SDK1: variants seen among roughly 807,000 people sequenced by gnomAD.
SDK1 encodes protein sidekick-1.
A neutral mutation model predicts 245.5 loss-of-function variants in SDK1; 157 were observed. That is an observed-to-expected ratio of 0.64 (90% CI 0.56 to 0.73). The LOEUF (loss-of-function observed/expected upper bound fraction) is 0.73. Among genes scored for constraint, SDK1 ranks in the 30% least tolerant of loss-of-function variants. The probability of loss-of-function intolerance (pLI) is 0.00; values close to 1 mark genes in which losing one functional copy is unlikely to be tolerated. For synonymous variants in SDK1, 1,647 were observed against 1,278.5 expected (o/e 1.29, Z -6.15); for missense variants, 3,583 against 3,002.3 (o/e 1.19, Z -4.52).
At chr7:4,157,518 G>A (rs79853812) in intron 30 of SDK1, among the ~76,000 whole-genome samples, 3,035 of 136,844 alleles carry the variant, frequency 0.022, 105 homozygotes, top group African/African-American at 0.073. Flanking sequence ...AGCAAGGAGC[G>A]GGGAGGGAGG....
intron 4 of SDK1, among the ~76,000 whole-genome samples, chr7:3,819,858 G>A (rs372075152): frequency 3.5e-4 from 53 of 152,184 alleles, no homozygotes; most frequent in African/African-American, 1.2e-3. Context: ...AAAGGTAGCA[G>A]GAAGAAAAAG....
rs527942532 is a variant in SDK1, at chr7:4,035,911, T to C, written c.2603-13437T>C. On this transcript the variant is annotated intron_variant, in intron 17 of 44. Coordinates refer to ENST00000404826, the MANE Select transcript of SDK1 (RefSeq NM_152744.4). ...ATTTACAAATCCATAATAATAATAA[T>C]AACTGCAATGGACTGAAATGCTTCA... Among the ~76,000 whole-genome samples, 35 of 152,274 alleles carry C rather than the reference T, an allele frequency of 2.3e-4. No homozygotes were observed. The South Asian group carries it at 3.3e-3, about 14-fold the overall frequency.
At position 3,487,719 on chromosome 7, in the gene SDK1, C is replaced by T. The variant is rs555570658; in HGVS notation, c.299-131361C>T. On this transcript the variant is annotated intron_variant, in intron 1 of 44. Coordinates refer to ENST00000404826, the MANE Select transcript of SDK1 (RefSeq NM_152744.4). ...GCAGTGAGCTGTGATCATGCCCCTG[C>T]ATTGCAGCCTGGGCAACAGAGCAAG... Among the ~76,000 whole-genome samples, 35 of 129,356 alleles carry T rather than the reference C, an allele frequency of 2.7e-4. 2 individuals are homozygous for T. The highest frequency in any genetic ancestry group is 1.0e-3 in the African/African-American group (34 of 33,806). 84.9% of individuals were successfully genotyped at this position (129,356 alleles called of 152,430 possible). A position where few individuals can be genotyped will look rare whatever the true frequency, so the allele number is the denominator to read the frequency against.
At chr7:3,398,768 G>GTTTT (rs35147042) in intron 1 of SDK1, among the ~76,000 whole-genome samples, 101 of 136,964 alleles carry the variant, frequency 7.4e-4, no homozygotes, top group African/African-American at 2.4e-3. Context: ...GCCCCCAGTA[G>GTTTT]TTTTTTTTTT....
chr7:4,173,827 C>T (rs911547271), intron 32 of SDK1, among the ~76,000 whole-genome samples: 3 of 152,166 alleles, frequency 2.0e-5, no homozygotes, highest in African/African-American at 7.2e-5. Flanking sequence ...AGGGTGGGGT[C>T]AGCTGGTGGG....
At chr7:3,500,370 T>C (rs943919057) in intron 1 of SDK1, among the ~76,000 whole-genome samples, 2 of 152,146 alleles carry the variant, frequency 1.3e-5, no homozygotes, top group African/African-American at 4.8e-5. Context: ...ATCTTGTAAA[T>C]TCAAAAATGT....
chr7:3,987,038 A>T (rs964236999), intron 13 of SDK1, 148 bp from the exon 14 acceptor site: 5 of 723,098 alleles, frequency 6.9e-6, no homozygotes, highest in East Asian at 5.2e-5. Flanking sequence ...TCTGGGGGGA[A>T]GAGAGTTAAT....
At chr7:3,940,325 C>G (rs1479218236) in intron 5 of SDK1, among the ~76,000 whole-genome samples, 1 of 152,254 alleles carries the variant, frequency 6.6e-6, no homozygotes, top group Admixed American at 6.5e-5. Flanking sequence ...GAGGTCAGGA[C>G]TTCTGCTTCT....
chr7:3,838,142 A>G lies in SDK1; in HGVS notation c.847+16559A>G, dbSNP rs60030926. Among the ~76,000 whole-genome samples the G allele has an allele frequency of 9.4e-3, 1,428 of 152,316 alleles. 26 individuals are homozygous for G. Among genetic ancestry groups the G allele is most frequent in the African/African-American group, 0.033 (1,363 of 41,576 alleles). ...GTTGCATTGCATGCATTCATGGTCT[A>G]TAGTAGTCTGTATTAATGAGACCCC... On this transcript the variant is annotated intron_variant, in intron 5 of 44. Coordinates refer to ENST00000404826, the MANE Select transcript of SDK1 (RefSeq NM_152744.4).
intron 5 of SDK1, among the ~76,000 whole-genome samples, chr7:3,859,038 A>T (rs928116339): frequency 2.7e-5 from 4 of 150,000 alleles, no homozygotes; most frequent in African/African-American, 9.9e-5. Flanking sequence ...AATTTTTTGT[A>T]TTTTTAGTAG....
chr7:3,590,875 C>G lies in SDK1; in HGVS notation c.299-28205C>G, dbSNP rs111603550. Among the ~76,000 whole-genome samples, 99 of 151,354 alleles carry G rather than the reference C, an allele frequency of 6.5e-4. 1 individual carries two copies. Among genetic ancestry groups the G allele is most frequent in the African/African-American group, 2.0e-3 (81 of 41,174 alleles). On this transcript the variant is annotated intron_variant, in intron 1 of 44. Transcript: ENST00000404826. ...GTAGATTACTGTGGCCTTGACCTCC[C>G]AGGCTCAAGCGATCCTCCTGCCTCA...
chr7:3,859,430 G>C (rs558602848), intron 5 of SDK1, among the ~76,000 whole-genome samples: 1 of 152,012 alleles, frequency 6.6e-6, no homozygotes, highest in Admixed American at 6.6e-5. Flanking sequence ...ACTCACGCTG[G>C]TTTTGGTTTT....
chr7:3,446,083 C>G (rs1000281607), intron 1 of SDK1, among the ~76,000 whole-genome samples: 1 of 152,098 alleles, frequency 6.6e-6, no homozygotes, highest in Non-Finnish European at 1.5e-5. Context: ...TTGCTCCCTT[C>G]TGGTCCTCTT....
chr7:3,974,245 A>G (rs1002248459), intron 12 of SDK1, 124 bp from the exon 13 acceptor site: 43 of 693,358 alleles, frequency 6.2e-5, no homozygotes, highest in Non-Finnish European at 8.4e-5. Flanking sequence ...TAAAGAGCAC[A>G]GTTCAGTGGT....
chr7:4,122,016 G>A (rs1359186231), intron 25 of SDK1, among the ~76,000 whole-genome samples: 1 of 152,048 alleles, frequency 6.6e-6, no homozygotes, highest in Non-Finnish European at 1.5e-5. Context: ...CTGGAATAAC[G>A]AGCTCCCAGG....
chr7:3,377,928 G>A (rs753425864), intron 1 of SDK1, among the ~76,000 whole-genome samples: 22 of 151,926 alleles, frequency 1.4e-4, no homozygotes, highest in Non-Finnish European at 2.9e-4. Context: ...ACAGGTGCAC[G>A]CCACCATGCC....
At position 3,574,030 on chromosome 7, in the gene SDK1, G is replaced by T. The variant is rs532754966; in HGVS notation, c.299-45050G>T. 3.3e-5 allele frequency among the ~76,000 whole-genome samples: 5 copies of T among 152,074 alleles called. 1 individual carries two copies. Among genetic ancestry groups the T allele is most frequent in the Admixed American group, 1.3e-4 (2 of 15,294 alleles). ...TGTTTTCACTTCGGTTCTGCAGATA[G>T]GTTGGGTGTTGAAGAATTTGTAGCT... On this transcript the variant is annotated intron_variant, in intron 1 of 44. Transcript: ENST00000404826.
intron 2 of SDK1, among the ~76,000 whole-genome samples, chr7:3,631,992 C>T (rs903072383): frequency 2.0e-5 from 3 of 151,774 alleles, no homozygotes; most frequent in Non-Finnish European, 4.4e-5. Context: ...TAGAAACTAA[C>T]ATTTGCCTTC....
chr7:3,636,039 A>G (rs1022281529), intron 2 of SDK1, among the ~76,000 whole-genome samples: 4 of 152,154 alleles, frequency 2.6e-5, no homozygotes, highest in Admixed American at 6.5e-5. Context: ...CAATGTGCAT[A>G]TATTCATTTT....
Sources: gnomAD v4.1 joint callset for allele counts (sites outside exome capture counted in the v4.1 genomes callset) on GRCh38, gnomAD v4.1.1 for gene constraint, MANE v1.5 for transcripts, NCBI Gene and HGNC (gene_info 2026-07-23, HGNC 2026-07-21) for gene names.